The following PTCD1 variants were observed in gnomAD, a reference collection of about 807,000 sequenced individuals.
The protein encoded by PTCD1 is pentatricopeptide repeat domain 1.
PTCD1 carries 50 observed loss-of-function variants against 53.4 expected under a neutral mutation model. That is an observed-to-expected ratio of 0.94 (90% CI 0.75 to 1.19). The LOEUF (loss-of-function observed/expected upper bound fraction) is 1.19. Among genes scored for constraint, PTCD1 ranks in the 50% most tolerant of loss-of-function variants. The pLI, the probability that PTCD1 is intolerant of heterozygous loss-of-function variation, is 0.00. For missense variants in PTCD1, 918 were observed against 904.8 expected, an observed-to-expected ratio of 1.01 and a Z score of -0.19; for synonymous variants, 413 against 394.8, an observed-to-expected ratio of 1.05 and a Z score of -0.55.
At position 99,435,168 on chromosome 7, in the gene PTCD1, G is replaced by A. The variant is rs779712358; in HGVS notation, c.75C>T (p.Asp25=). 1 of 1,604,656 alleles carries A rather than the reference G, an allele frequency of 6.2e-7. No homozygotes were observed. Residue 25 remains aspartate (D), a synonymous_variant, in exon 2 of 8, where the codon GAC becomes GAT. Transcript: ENST00000292478. The part of the protein sequence containing the change: ...PMGLFILQHL[D]PCRARWAGGR... ...CTCCTGCCCACCTGGCTCTACAGGG[G>A]TCCAGGTGTTGCAGGATGAACAGTC...
chr7:99,428,419 A>C (rs919850089), intron 5 of PTCD1, among the ~76,000 whole-genome samples: 2 of 151,200 alleles, frequency 1.3e-5, no homozygotes. Context: ...AAAAAAAAAA[A>C]ATTAAAAACA....
intron 7 of PTCD1, among the ~76,000 whole-genome samples, chr7:99,422,133 T>C (rs537570831): frequency 6.6e-5 from 10 of 152,326 alleles, no homozygotes; most frequent in African/African-American, 2.2e-4. Flanking sequence ...GAGAAAAGGC[T>C]TGCAACCAAC....
At chr7:99,436,064 G>A (rs1796455177) in intron 1 of PTCD1, among the ~76,000 whole-genome samples, 1 of 152,066 alleles carries the variant, frequency 6.6e-6, no homozygotes, top group African/African-American at 2.4e-5. Flanking sequence ...TCCCATTTCA[G>A]CCTCCCGAGT....
intron 2 of PTCD1, 112 bp downstream of exon 2, chr7:99,434,678 C>T: frequency 7.3e-7 from 1 of 1,376,466 alleles, no homozygotes; most frequent in Non-Finnish European, 1.0e-6. Flanking sequence ...GCTGGCAGTT[C>T]AACAGGGTAG....
At chr7:99,428,984 A>T in intron 5 of PTCD1, 119 bp downstream of exon 5, 2 of 1,265,674 alleles carry the variant, frequency 1.6e-6, no homozygotes. Flanking sequence ...GGGTTTTCAG[A>T]AAAGAGCACA....
At position 99,418,973 on chromosome 7, in the gene PTCD1, C is replaced by G; in HGVS notation, c.*994G>C. 1.0e-5 allele frequency: 2 copies of G among 190,928 alleles called. No individual in the cohort carries two copies. The highest frequency in any genetic ancestry group is 2.2e-5 in the Non-Finnish European group (2 of 91,512). The allele number at this position is 190,928 out of a possible 1,614,324, so 11.8% of individuals were successfully genotyped here. ...GGCTCTGGGCCAGAAGGGTGTGACT[C>G]AAGTGCATAGTCTCCTGCCCTCTTC... On this transcript the variant is annotated 3_prime_UTR_variant, in exon 8 of 8. Coordinates refer to ENST00000292478, the MANE Select transcript of PTCD1 (RefSeq NM_015545.4).
chr7:99,417,966 A>G lies in PTCD1; in HGVS notation c.*2001T>C. 8.4e-7 allele frequency: 1 copy of G among 1,192,552 alleles called. No individual in the cohort carries two copies. Among genetic ancestry groups the G allele is most frequent in the Non-Finnish European group, 1.1e-6 (1 of 949,370 alleles). 73.9% of individuals were successfully genotyped at this position (1,192,552 alleles called of 1,614,324 possible). ...ACAGTGATACTTTAACATTACCATC[A>G]CTATCTTTCCCGCCCCCCCAAGACG... is the stretch of plus-strand genomic sequence containing the variant. On this transcript the variant is annotated 3_prime_UTR_variant, in exon 8 of 8. Transcript: ENST00000292478.
chr7:99,420,882 G>A (rs1207100464), intron 7 of PTCD1, among the ~76,000 whole-genome samples: 1 of 152,132 alleles, frequency 6.6e-6, no homozygotes, highest in Non-Finnish European at 1.5e-5. Flanking sequence ...GGGAGGCAGA[G>A]GTTGCAGTGA....
At chr7:99,437,302 C>T (rs891280463) in intron 1 of PTCD1, among the ~76,000 whole-genome samples, 1 of 152,030 alleles carries the variant, frequency 6.6e-6, no homozygotes, top group Non-Finnish European at 1.5e-5. Flanking sequence ...TAACAAGACC[C>T]TATCATAATT....
Position 99,435,207 on chromosome 7 carries a change from C to A in PTCD1, c.36G>T (p.Arg12Ser), listed in dbSNP as rs914366643. The A allele has an allele frequency of 3.1e-6, 5 of 1,604,346 alleles. No homozygotes were observed. The highest frequency in any genetic ancestry group is 3.4e-6 in the Non-Finnish European group (4 of 1,179,920). ...GGATGAACAGTCCCATGGGGCGGGC[C>A]CTGGCGAACAGTCGAGCGAGTCTCA... is the stretch of plus-strand genomic sequence containing the variant. ...DFVRLARLFA[R>S]ARPMGLFILQ... Residue 12 changes from arginine (R) to serine (S), a missense_variant, in exon 2 of 8, where the codon AGG (arginine) becomes AGT (serine). Transcript: ENST00000292478.
intron 2 of PTCD1, among the ~76,000 whole-genome samples, chr7:99,434,051 C>CA (rs552163766): frequency 0.018 from 851 of 48,136 alleles, 4 homozygotes; most frequent in Middle Eastern, 0.069. Flanking sequence ...GACTCCATCT[C>CA]AAAAAAAAAA....
At chr7:99,438,434 C>T in intron 1 of PTCD1, 1 of 888,058 alleles carries the variant, frequency 1.1e-6, no homozygotes, top group Non-Finnish European at 1.4e-6. Flanking sequence ...CCCTGTACTC[C>T]AGCCTGGGCC....
In PTCD1 at chr7:99,435,009, C is replaced by T. The variant is rs190844865; in HGVS notation, c.234G>A (p.Thr78=). Residue 78 remains threonine (T), a synonymous_variant, in exon 2 of 8, where the codon ACG becomes ACA. Coordinates refer to ENST00000292478, the MANE Select transcript of PTCD1 (RefSeq NM_015545.4). Reference sequence around the variant, plus strand: ...CCTCCTCCTCCTCGTCTTCTTCCTGCGTGGCCGTGGAGTTGGAGTGGCTCG... The same window carrying T: ...CCTCCTCCTCCTCGTCTTCTTCCTGTGTGGCCGTGGAGTTGGAGTGGCTCG... The part of the protein sequence containing the change: ...SDPSHSNSTA[T]QEEDEEEEES... The T allele has an allele frequency of 7.9e-5, 128 of 1,614,134 alleles. No homozygotes were observed. The East Asian group carries it at 2.4e-3, about 30-fold the overall frequency.
At chr7:99,437,361 C>T (rs181605189) in intron 1 of PTCD1, among the ~76,000 whole-genome samples, 1 of 151,236 alleles carries the variant, frequency 6.6e-6, no homozygotes, top group East Asian at 1.9e-4. Flanking sequence ...ACTCTGTCCT[C>T]AGGCGTGACC....
In PTCD1 at chr7:99,417,596, G is replaced by A; in HGVS notation, c.*2371C>T. The A allele has an allele frequency of 6.2e-7, 1 of 1,611,192 alleles. No homozygotes were observed. Among genetic ancestry groups the A allele is most frequent in the African/African-American group, 1.3e-5 (1 of 75,064 alleles). ...CGTGCCCAAAAGCAAGCTGGAAGTG[G>A]TAATGTCTGACACTCAAGCTTGGTG... On this transcript the variant is annotated 3_prime_UTR_variant, in exon 8 of 8. Transcript: ENST00000292478.
intron 7 of PTCD1, among the ~76,000 whole-genome samples, chr7:99,423,074 CCT>C (rs202059351): frequency 0.012 from 1,827 of 151,414 alleles, 29 homozygotes; most frequent in African/African-American, 0.042. Context: ...CAGCTCTTAA[CCT>C]CTTTTTTTTT....
intron 4 of PTCD1, 69 bp downstream of exon 4, chr7:99,429,519 C>G (rs1054309044): frequency 6.2e-7 from 1 of 1,608,508 alleles, no homozygotes; most frequent in Non-Finnish European, 8.5e-7. Context: ...GAGACAGACA[C>G]CACAGCCCTG....
In PTCD1 at chr7:99,419,590, T is replaced by C. The variant is rs1584447932; in HGVS notation, c.*377A>G. On this transcript the variant is annotated 3_prime_UTR_variant, in exon 8 of 8. Transcript: ENST00000292478. ...TTCGCTGTCTATCAGCTGTGATTTG[T>C]AAAAATAAAATCTTTAAATCTCTCG... is the stretch of plus-strand genomic sequence containing the variant. 1 of 926,606 alleles carries C rather than the reference T, an allele frequency of 1.1e-6. No homozygotes were observed. The allele number at this position is 926,606 out of a possible 1,614,324, so 57.4% of individuals were successfully genotyped here. A position where few individuals can be genotyped will look rare whatever the true frequency, so the allele number is the denominator to read the frequency against.
chr7:99,434,728 G>A, intron 2 of PTCD1, 62 bp downstream of exon 2: 1 of 1,607,324 alleles, frequency 6.2e-7, no homozygotes, highest in Non-Finnish European at 8.5e-7. Flanking sequence ...GTGACCCCTT[G>A]CAAAACACTG....
Sources: allele counts gnomAD v4.1 joint callset (sites outside exome capture counted in the v4.1 genomes callset), GRCh38; gene constraint gnomAD v4.1.1; transcripts MANE v1.5; gene names NCBI Gene and HGNC (gene_info 2026-07-23, HGNC 2026-07-21).